CSNK1G2: variants seen among roughly 807,000 people sequenced by gnomAD.
CSNK1G2 encodes casein kinase I isoform gamma-2.
Under a neutral mutation model 48.0 loss-of-function variants are expected in CSNK1G2, and 11 were observed. The observed-to-expected ratio is 0.23, with a 90% confidence interval of 0.14 to 0.38. The LOEUF is 0.38. Among genes scored for constraint, CSNK1G2 ranks in the 10% least tolerant of loss-of-function variants. CSNK1G2 has a pLI of 1.00. For synonymous variants in CSNK1G2, 337 were observed against 254.1 expected (o/e 1.33, Z -3.10); for missense variants, 446 against 595.5 (o/e 0.75, Z 2.61).
intron 1 of CSNK1G2, among the ~76,000 whole-genome samples, chr19:1,965,196 C>T (rs1568194428): frequency 6.7e-6 from 1 of 149,408 alleles, no homozygotes; most frequent in East Asian, 2.1e-4. Flanking sequence ...GAGATCGAGA[C>T]CACAGTGAAA....
At chr19:1,977,738 G>A (rs2015807959) in intron 2 of CSNK1G2, among the ~76,000 whole-genome samples, 1 of 142,546 alleles carries the variant, frequency 7.0e-6, no homozygotes, top group Non-Finnish European at 1.5e-5. Context: ...GGGCAACAGA[G>A]CGACACCGTC....
intron 1 of CSNK1G2, among the ~76,000 whole-genome samples, chr19:1,966,554 C>T (rs980967261): frequency 6.6e-6 from 1 of 152,200 alleles, no homozygotes. Context: ...GAACTTGGAA[C>T]AGCCCGGAAC....
Position 1,979,652 on chromosome 19 carries a change from G to C in CSNK1G2, c.1002+9G>C. 7 of 1,602,384 alleles carry C rather than the reference G, an allele frequency of 4.4e-6. No homozygotes were observed. Among genetic ancestry groups the C allele is most frequent in the Non-Finnish European group, 5.1e-6 (6 of 1,179,802 alleles). On this transcript the variant is annotated intron_variant, in intron 9 of 11. Coordinates refer to ENST00000255641, the MANE Select transcript of CSNK1G2 (RefSeq NM_001319.7). Reference sequence around the variant, plus strand: ...GGGCCGGGAAGCCCCTGGTAGGTGGGGGGGTGCCGGTATGTGGGAGCGGGG... The same window carrying C: ...GGGCCGGGAAGCCCCTGGTAGGTGGCGGGGTGCCGGTATGTGGGAGCGGGG...
intron 2 of CSNK1G2, among the ~76,000 whole-genome samples, chr19:1,973,918 T>C (rs1035896172): frequency 6.6e-6 from 1 of 152,002 alleles, no homozygotes; most frequent in Non-Finnish European, 1.5e-5. Flanking sequence ...GATGGAGTCT[T>C]GCTCTGTTGC....
At chr19:1,977,637 C>G (rs1190010187) in intron 2 of CSNK1G2, among the ~76,000 whole-genome samples, 1 of 151,462 alleles carries the variant, frequency 6.6e-6, no homozygotes, top group Non-Finnish European at 1.5e-5. Flanking sequence ...CCTGTAGTCC[C>G]AGCTACTTGG....
intron 1 of CSNK1G2, among the ~76,000 whole-genome samples, chr19:1,961,224 C>G (rs1246001259): frequency 1.3e-5 from 2 of 152,218 alleles, no homozygotes; most frequent in Admixed American, 6.5e-5. Flanking sequence ...GGGGGCTGTT[C>G]CCGTGGCTCT....
At chr19:1,942,884 G>T (rs571538362) in intron 1 of CSNK1G2, among the ~76,000 whole-genome samples, 2 of 152,292 alleles carry the variant, frequency 1.3e-5, no homozygotes, top group East Asian at 1.9e-4. Context: ...AACGCTCTGG[G>T]CTGGGCTGAC....
chr19:1,953,370 G>T (rs1417232509), intron 1 of CSNK1G2: 3 of 533,528 alleles, frequency 5.6e-6, no homozygotes, highest in Non-Finnish European at 7.7e-6. Context: ...GGGGGCCTGG[G>T]TGGGGGTGTT....
At chr19:1,965,096 C>T (rs1025870268) in intron 1 of CSNK1G2, among the ~76,000 whole-genome samples, 51 of 150,098 alleles carry the variant, frequency 3.4e-4, no homozygotes, top group African/African-American at 1.5e-4. Context: ...CTAGTGGAGA[C>T]GTACACGATC....
At chr19:1,945,013 G>C (rs2014502752) in intron 1 of CSNK1G2, among the ~76,000 whole-genome samples, 1 of 152,258 alleles carries the variant, frequency 6.6e-6, no homozygotes, top group Non-Finnish European at 1.5e-5. Flanking sequence ...CATGCCCCGG[G>C]TGGCCAGCGT....
chr19:1,980,317 GC>G lies in CSNK1G2; in HGVS notation c.*116del, dbSNP rs759489388. 1 of 1,352,066 alleles carries G rather than the reference GC, an allele frequency of 7.4e-7. No homozygotes were observed. Among genetic ancestry groups the G allele is most frequent in the Non-Finnish European group, 1.0e-6 (1 of 958,382 alleles). 83.8% of individuals were successfully genotyped at this position (1,352,066 alleles called of 1,614,324 possible). On this transcript the variant is annotated 3_prime_UTR_variant, in exon 12 of 12. Coordinates refer to ENST00000255641, the MANE Select transcript of CSNK1G2 (RefSeq NM_001319.7). Reference sequence around the variant, plus strand: ...GCCCAGGGCCAGACCCTGGCTGGAAGCCAGAACGCAGACTGCAGGGGCCGCG... The same window carrying G: ...GCCCAGGGCCAGACCCTGGCTGGAAGCAGAACGCAGACTGCAGGGGCCGCG...
At chr19:1,979,867 G>GCCCT in intron 10 of CSNK1G2, 32 bp downstream of exon 10, 1 of 1,603,700 alleles carries the variant, frequency 6.2e-7, no homozygotes, top group African/African-American at 1.3e-5. Context: ...CCGCCCCAGG[G>GCCCT]AGGGGCATGG....
chr19:1,946,303 T>TATTTATTTA (rs2014560247), intron 1 of CSNK1G2, among the ~76,000 whole-genome samples: 3 of 150,900 alleles, frequency 2.0e-5, no homozygotes, highest in African/African-American at 7.2e-5. Context: ...ATTTATTTAT[T>TATTTATTTA]TTTTTTAAGA....
intron 1 of CSNK1G2, among the ~76,000 whole-genome samples, chr19:1,958,749 CT>C: frequency 1.5e-5 from 1 of 68,128 alleles, no homozygotes; most frequent in South Asian, 8.2e-4. Flanking sequence ...GCCGCAGCAG[CT>C]CAGCTCTCCC....
intron 1 of CSNK1G2, among the ~76,000 whole-genome samples, chr19:1,964,139 A>T (rs994012037): frequency 2.4e-4 from 37 of 151,976 alleles, no homozygotes; most frequent in African/African-American, 8.2e-4. Context: ...AAATTTTTTT[A>T]AAAATTAGCT....
chr19:1,946,542 C>T (rs941081226), intron 1 of CSNK1G2, among the ~76,000 whole-genome samples: 8 of 150,848 alleles, frequency 5.3e-5, no homozygotes, highest in Non-Finnish European at 7.4e-5. Flanking sequence ...CTGCCCGCCT[C>T]GGCCTCCCAA....
At chr19:1,949,129 C>A (rs528955803) in intron 1 of CSNK1G2, among the ~76,000 whole-genome samples, 1 of 152,154 alleles carries the variant, frequency 6.6e-6, no homozygotes, top group African/African-American at 2.4e-5. Flanking sequence ...CCTGTCAGTT[C>A]AAACCTGCCG....
intron 1 of CSNK1G2, among the ~76,000 whole-genome samples, chr19:1,965,566 T>C (rs911533937): frequency 6.6e-6 from 1 of 152,004 alleles, no homozygotes; most frequent in Non-Finnish European, 1.5e-5. Flanking sequence ...AGTAGCACGA[T>C]CTTGGCTCAC....
At position 1,979,508 on chromosome 19, in the gene CSNK1G2, G is replaced by A. The variant is rs756876055; in HGVS notation, c.867G>A (p.Thr289=). The A allele has an allele frequency of 1.5e-5, 24 of 1,600,758 alleles. No homozygotes were observed. Among genetic ancestry groups the A allele is most frequent in the East Asian group, 1.3e-4 (6 of 44,712 alleles). The change falls in exon 9 of 12, where the codon ACG becomes ACA. Residue 289 remains threonine, a synonymous_variant. Transcript: ENST00000255641. The part of the protein sequence containing the change: ...LCENFPEEMA[T]YLRYVRRLDF... ...CTCTCTCTGCAGAGGAGATGGCCAC[G>A]TACCTGCGCTATGTGCGGCGCCTGG...
Sources: gnomAD v4.1 joint callset for allele counts (sites outside exome capture counted in the v4.1 genomes callset) on GRCh38, gnomAD v4.1.1 for gene constraint, MANE v1.5 for transcripts, NCBI Gene and HGNC (gene_info 2026-07-23, HGNC 2026-07-21) for gene names.